Variants in WDR62 observed in about 807,000 individuals in gnomAD.
The protein encoded by WDR62 is WD repeat domain 62, also known as WD repeat-containing protein 62.
A neutral mutation model predicts 160.6 loss-of-function variants in WDR62; 112 were observed. That is an observed-to-expected ratio of 0.70 (90% CI 0.60 to 0.82). The LOEUF is 0.82. Ranked by LOEUF, WDR62 falls within the 40% of genes least tolerant of loss-of-function variation. The pLI is 0.00. For synonymous variants in WDR62, 792 were observed against 815.1 expected, an observed-to-expected ratio of 0.97 and a Z score of 0.48; for missense variants, 1,819 against 1,983.8, an observed-to-expected ratio of 0.92 and a Z score of 1.58.
downstream of WDR62, chr19:36,105,236 G>A (rs1973682723): frequency 3.1e-6 from 2 of 647,964 alleles, no homozygotes; most frequent in Admixed American, 2.9e-5. Context: ...GCGCTCCCAA[G>A]AAGTTCAGGA....
chr19:36,099,644 C>T (rs753712822), intron 22 of WDR62, 27 bp downstream of exon 22: 21 of 1,611,280 alleles, frequency 1.3e-5, no homozygotes, highest in African/African-American at 8.0e-5. Flanking sequence ...CAGCCTGGCC[C>T]ATAGCCCCGG....
At chr19:36,059,343 GTTT>G (rs1970527137) in intron 2 of WDR62, among the ~76,000 whole-genome samples, 1 of 152,148 alleles carries the variant, frequency 6.6e-6, no homozygotes, top group African/African-American at 2.4e-5. Flanking sequence ...CCCTCTCTGG[GTTT>G]GTTTCCTTAT....
intron 11 of WDR62, among the ~76,000 whole-genome samples, chr19:36,083,739 G>T (rs564202241): frequency 1.3e-5 from 2 of 152,256 alleles, no homozygotes; most frequent in South Asian, 4.1e-4. Flanking sequence ...GATGACAAAT[G>T]ACAGCTGTGA....
At chr19:36,084,523 A>C in intron 11 of WDR62, 130 bp from the exon 12 acceptor site, 1 of 814,444 alleles carries the variant, frequency 1.2e-6, no homozygotes, top group Non-Finnish European at 2.1e-6. Context: ...GTGGTTGTGC[A>C]TGTCTAGAGT....
intron 13 of WDR62, among the ~76,000 whole-genome samples, chr19:36,088,213 T>C (rs917412096): frequency 6.6e-6 from 1 of 152,084 alleles, no homozygotes; most frequent in South Asian, 2.1e-4. Context: ...CATTTCATCC[T>C]CACCAAACTG....
chr19:36,084,597 G>A (rs187905082), intron 11 of WDR62, 56 bp from the exon 12 acceptor site: 28 of 1,550,240 alleles, frequency 1.8e-5, no homozygotes, highest in Middle Eastern at 3.4e-4. Context: ...TTCTAGAAGT[G>A]GTAGAGCACA....
In WDR62 at chr19:36,061,637, G is replaced by A. The variant is rs192532787; in HGVS notation, c.332+1607G>A. On this transcript the variant is annotated intron_variant, in intron 3 of 31. Coordinates refer to ENST00000401500, the MANE Select transcript of WDR62 (RefSeq NM_001083961.2). ...CCTAATCCCTGTAGGCAGTGGAGTG[G>A]GTGGCCTGGATCTATAGTAGATGGT... 4 of 152,238 alleles carry A rather than the reference G, an allele frequency of 2.6e-5. No homozygotes were observed. The East Asian group carries it at 7.7e-4, about 29-fold the overall frequency. The allele number at this position is 152,238 out of a possible 1,614,324, so 9.4% of individuals were successfully genotyped here.
rs56185833 is a variant in WDR62, at chr19:36,087,032, G to A, written c.1768+220G>A. On this transcript the variant is annotated intron_variant, in intron 13 of 31. Transcript: ENST00000401500. ...GTGGATCACCTGAGGTCAGGAGTTC[G>A]GGACCTTCCTAGACAACATGGTGAA... Among the ~76,000 whole-genome samples the A allele has an allele frequency of 0.14, 21,270 of 151,814 alleles. 1,850 individuals carry two copies. The highest frequency in any genetic ancestry group is 0.25 in the Middle Eastern group (73 of 294).
chr19:36,101,167 C>G, intron 23 of WDR62, 47 bp from the exon 24 acceptor site: 1 of 1,547,230 alleles, frequency 6.5e-7, no homozygotes, highest in Non-Finnish European at 8.8e-7. Flanking sequence ...GCTGTTGAGT[C>G]TCCAGCTGAA....
At chr19:36,105,792 G>A (rs142854077), downstream of WDR62, among the ~76,000 whole-genome samples, 98 of 152,178 alleles carry the variant, frequency 6.4e-4, no homozygotes, top group African/African-American at 2.2e-3. Context: ...TCCGCCTCCC[G>A]GGTTCAAGCG....
chr19:36,068,083 G>A, intron 7 of WDR62, 73 bp downstream of exon 7: 1 of 1,528,078 alleles, frequency 6.5e-7, no homozygotes, highest in Non-Finnish European at 8.9e-7. Context: ...GTGCTCATCA[G>A]CATTGACCAC....
Position 36,092,680 on chromosome 19 carries a change from C to A in WDR62, c.2211-9C>A. On this transcript the variant is annotated splice_polypyrimidine_tract_variant and intron_variant, in intron 18 of 31. Coordinates refer to ENST00000401500, the MANE Select transcript of WDR62 (RefSeq NM_001083961.2). Reference sequence around the variant, plus strand: ...CTCTGCCTTGTGTGTCTCTCTTTGACCTCCGCAGCTGCGTGTTCATCTGGC... The same window carrying A: ...CTCTGCCTTGTGTGTCTCTCTTTGAACTCCGCAGCTGCGTGTTCATCTGGC... 2 of 1,614,064 alleles carry A rather than the reference C, an allele frequency of 1.2e-6. No individual in the cohort carries two copies.
rs1972525702 is a variant in WDR62, at chr19:36,090,473, A to C, written c.1987A>C (p.Lys663Gln). 6.8e-6 allele frequency: 11 copies of C among 1,613,844 alleles called. No homozygotes were observed. The highest frequency in any genetic ancestry group is 8.5e-6 in the Non-Finnish European group (10 of 1,179,870). ...RVYNTVNGKQ[K>Q]KCYKGSQGDE... Reference sequence around the variant, plus strand: ...CTACAACACTGTGAACGGGAAGCAGAAGAAGTGCTACAAGGGCTCCCAGGG... The same window carrying C: ...CTACAACACTGTGAACGGGAAGCAGCAGAAGTGCTACAAGGGCTCCCAGGG... The change falls in exon 16 of 32, where the codon AAG becomes CAG. Residue 663 changes from lysine (K) to glutamine (Q), a missense_variant. Physicochemically the swap from Lys to Gln is moderately conservative, Grantham distance 53. Coordinates refer to ENST00000401500, the MANE Select transcript of WDR62 (RefSeq NM_001083961.2).
chr19:36,110,529 AAG>A, the WDR62 span, among the ~76,000 whole-genome samples: 1 of 152,208 alleles, frequency 6.6e-6, no homozygotes, highest in Non-Finnish European at 1.5e-5. Context: ...GGGAGGGAGG[AAG>A]AGTGTTGTCC....
downstream of WDR62, among the ~76,000 whole-genome samples, chr19:36,106,342 C>T (rs2145894515): frequency 7.2e-6 from 1 of 139,466 alleles, no homozygotes; most frequent in Middle Eastern, 4.1e-3. Flanking sequence ...GTACTTCAGC[C>T]TGGGTGACAC....
chr19:36,070,162 CTTTTTTTTTT>C (rs397859174), intron 7 of WDR62: 1 of 134,308 alleles, frequency 7.4e-6, no homozygotes, highest in Non-Finnish European at 1.6e-5. Context: ...TTTATTTTTA[CTTTTTTTTTT>C]TTTTTGAGAT....
chr19:36,099,561 G>C lies in WDR62; in HGVS notation c.2683G>C (p.Glu895Gln). 4 of 1,614,200 alleles carry C rather than the reference G, an allele frequency of 2.5e-6. No individual in the cohort carries two copies. The highest frequency in any genetic ancestry group is 3.4e-6 in the Non-Finnish European group (4 of 1,180,042). ...TACCCCCATGAAGCCCGAGAGTCTG[G>C]AGAACTCCATTCTGGATTCACTGGA... ...YFTPMKPESL[E>Q]NSILDSLEPQ... The change falls in exon 22 of 32, where the codon GAG (glutamate) becomes CAG (glutamine). Residue 895 changes from glutamate (E) to glutamine (Q), a missense_variant. Transcript: ENST00000401500.
chr19:36,102,827 TC>T lies in WDR62; in HGVS notation c.3312del (p.Ser1105GlnfsTer22), dbSNP rs1220314662. ...CGCCTGAGTATCTCCACGCAGTTCC[TC>T]TCAAGCCTCCAGAAGGCATCCAGGT... The part of the protein sequence containing the change: ...NPRLSISTQF[L>X]SSLQKASRFT... On this transcript the variant is annotated frameshift_variant, in exon 27 of 32. Transcript: ENST00000401500. LOFTEE classifies it high-confidence loss of function. The T allele has an allele frequency of 6.2e-7, 1 of 1,614,060 alleles. No homozygotes were observed. Among genetic ancestry groups the T allele is most frequent in the Non-Finnish European group, 8.5e-7 (1 of 1,180,026 alleles).
chr19:36,102,910 C>T lies in WDR62; in HGVS notation c.3336-38C>T. 3 of 1,614,144 alleles carry T rather than the reference C, an allele frequency of 1.9e-6. 1 individual carries two copies. Among genetic ancestry groups the T allele is most frequent in the Middle Eastern group, 3.3e-4 (2 of 6,062 alleles). ...CTCCTCAACAGTGCCCCAGGGCAGG[C>T]TGAATGAGAATCATCCCCCCTGCTC... On this transcript the variant is annotated intron_variant, in intron 27 of 31. Coordinates refer to ENST00000401500, the MANE Select transcript of WDR62 (RefSeq NM_001083961.2).
Sources: gnomAD v4.1 joint callset for allele counts (sites outside exome capture counted in the v4.1 genomes callset) on GRCh38, gnomAD v4.1.1 for gene constraint, MANE v1.5 for transcripts, NCBI Gene and HGNC (gene_info 2026-07-23, HGNC 2026-07-21) for gene names.